DEPDC4: variants seen among roughly 807,000 people sequenced by gnomAD.
DEPDC4 encodes the protein DEP domain containing 4.
In DEPDC4, 52 loss-of-function variants were observed where a neutral mutation model predicts 52.0. The observed-to-expected ratio is 1.00, with a 90% CI of 0.80 to 1.26. DEPDC4 has a LOEUF of 1.26. Among genes scored for constraint, DEPDC4 ranks in the 50% most tolerant of loss-of-function variants. The pLI is 0.00. For synonymous variants in DEPDC4, 201 were observed against 196.8 expected (o/e 1.02, Z -0.18); for missense variants, 530 against 546.9 (o/e 0.97, Z 0.31).
intron 4 of DEPDC4, among the ~76,000 whole-genome samples, chr12:100,255,329 A>ACT (rs2096227958): frequency 3.3e-5 from 5 of 152,170 alleles, no homozygotes; most frequent in Admixed American, 3.3e-4. Context: ...GAATAAGAGA[A>ACT]ATCTGTCATG....
At chr12:100,249,605 C>G (rs754074750) in intron 7 of DEPDC4, among the ~76,000 whole-genome samples, 1 of 152,332 alleles carries the variant, frequency 6.6e-6, no homozygotes, top group Non-Finnish European at 1.5e-5. Flanking sequence ...ACTAATAATA[C>G]TGTTACAGAG....
chr12:100,275,392 T>G, the DEPDC4 span, among the ~76,000 whole-genome samples: 1 of 152,052 alleles, frequency 6.6e-6, no homozygotes, highest in African/African-American at 2.4e-5. Flanking sequence ...TTTGGAGTCT[T>G]GATATGTTAC....
At chr12:100,274,256 A>C in the DEPDC4 span, among the ~76,000 whole-genome samples, 1 of 152,218 alleles carries the variant, frequency 6.6e-6, no homozygotes, top group Non-Finnish European at 1.5e-5. Flanking sequence ...TGTATCCAAT[A>C]ATTTTGAATA....
chr12:100,233,948 T>TA (rs145522527), intron 9 of DEPDC4, among the ~76,000 whole-genome samples: 4,186 of 151,796 alleles, frequency 0.028, 184 homozygotes, highest in African/African-American at 0.093. Flanking sequence ...CCCTGTCTCT[T>TA]AAAAAAAAGC....
the DEPDC4 span, among the ~76,000 whole-genome samples, chr12:100,277,870 T>C: frequency 1.3e-5 from 2 of 152,120 alleles, no homozygotes; most frequent in Admixed American, 1.3e-4. Context: ...TATATCACTT[T>C]ATTATTTTGT....
intron 9 of DEPDC4, among the ~76,000 whole-genome samples, chr12:100,234,164 A>C (rs2096138117): frequency 6.6e-6 from 1 of 152,132 alleles, no homozygotes; most frequent in South Asian, 2.1e-4. Context: ...CCTGTCAACA[A>C]AAAAAATTGT....
In DEPDC4 at chr12:100,266,970, C is replaced by T; in HGVS notation, c.107G>A (p.Gly36Glu). 6.2e-7 allele frequency: 1 copy of T among 1,613,998 alleles called. No individual in the cohort carries two copies. The highest frequency in any genetic ancestry group is 8.5e-7 in the Non-Finnish European group (1 of 1,179,938). Residue 36 changes from glycine (G) to glutamate (E), a missense_variant, in exon 1 of 10, where the codon GGG becomes GAG. By Grantham distance (98) the Gly-to-Glu change is moderately conservative. Coordinates refer to ENST00000550587, the MANE Select transcript of DEPDC4 (RefSeq NM_001364818.2). ...QNELPGPGLN[G>E]PSSRNRRDGF... Reference sequence around the variant, plus strand: ...ATCTCTACGGTTCCTGGAACTTGGCCCGTTCAGCCCTGGGCCCGGAAGCTC... The same window carrying T: ...ATCTCTACGGTTCCTGGAACTTGGCTCGTTCAGCCCTGGGCCCGGAAGCTC...
intron 2 of DEPDC4, 114 bp from the exon 3 acceptor site, chr12:100,262,523 T>C (rs867643793): frequency 7.8e-6 from 6 of 768,258 alleles, no homozygotes; most frequent in Middle Eastern, 4.0e-4. Flanking sequence ...CCAAAAACGA[T>C]TTCAGGCAGC....
chr12:100,235,374 T>A (rs950060686), downstream of DEPDC4, among the ~76,000 whole-genome samples: 5 of 151,362 alleles, frequency 3.3e-5, no homozygotes, highest in African/African-American at 4.8e-5. Flanking sequence ...TTTTATTCTC[T>A]TTTTAAAAAT....
At chr12:100,239,401 C>G (rs895545296), downstream of DEPDC4, among the ~76,000 whole-genome samples, 1 of 150,230 alleles carries the variant, frequency 6.7e-6, no homozygotes, top group African/African-American at 2.5e-5. Context: ...TTTGAGACAG[C>G]GTTTCACTCT....
upstream of DEPDC4, among the ~76,000 whole-genome samples, chr12:100,271,855 G>C (rs767108360): frequency 1.3e-5 from 2 of 152,174 alleles, no homozygotes; most frequent in African/African-American, 4.8e-5. Flanking sequence ...CATGTTATTT[G>C]AAAATTCAGG....
intron 4 of DEPDC4, 143 bp from the exon 5 acceptor site, chr12:100,253,858 C>T: frequency 2.5e-6 from 1 of 400,686 alleles, no homozygotes; most frequent in South Asian, 2.1e-5. Context: ...AGAAGCATTT[C>T]AATACATTTT....
downstream of DEPDC4, among the ~76,000 whole-genome samples, chr12:100,236,354 A>AT (rs1341694770): frequency 2.1e-3 from 313 of 149,534 alleles, 1 homozygote; most frequent in South Asian, 4.0e-3. Flanking sequence ...GCCAACATCT[A>AT]TTTTTTTTTT....
upstream of DEPDC4, among the ~76,000 whole-genome samples, chr12:100,269,343 A>T (rs2096284634): frequency 6.6e-6 from 1 of 151,776 alleles, no homozygotes; most frequent in Non-Finnish European, 1.5e-5. Context: ...TTAGCCAATT[A>T]TGCCTATTCA....
chr12:100,273,532 C>T, the DEPDC4 span, among the ~76,000 whole-genome samples: 2 of 152,220 alleles, frequency 1.3e-5, no homozygotes, highest in East Asian at 3.9e-4. Flanking sequence ...AATATTAAAC[C>T]ACCAAATGAA....
chr12:100,278,734 A>G, the DEPDC4 span, among the ~76,000 whole-genome samples: 2 of 151,120 alleles, frequency 1.3e-5, no homozygotes, highest in Non-Finnish European at 2.9e-5. Context: ...GGTTCAAGCA[A>G]TTCTTCTGCC....
At chr12:100,251,126 T>C (rs943786230) in intron 7 of DEPDC4, among the ~76,000 whole-genome samples, 1 of 152,088 alleles carries the variant, frequency 6.6e-6, no homozygotes, top group African/African-American at 2.4e-5. Context: ...AAAAATAAAA[T>C]GGGGTCTTGC....
chr12:100,232,995 A>T (rs1435397623), intron 9 of DEPDC4, among the ~76,000 whole-genome samples: 3 of 152,198 alleles, frequency 2.0e-5, no homozygotes. Flanking sequence ...ATGTATGTAC[A>T]TATCATTTAA....
At position 100,262,305 on chromosome 12, in the gene DEPDC4, T is replaced by G. The variant is rs975811155; in HGVS notation, c.659A>C (p.Asn220Thr). The G allele has an allele frequency of 1.2e-6, 2 of 1,612,566 alleles. No homozygotes were observed. The highest frequency in any genetic ancestry group is 2.7e-5 in the African/African-American group (2 of 74,866). The change falls in exon 3 of 10, where the codon AAT (asparagine) becomes ACT (threonine). Residue 220 changes from asparagine to threonine, a missense_variant. Coordinates refer to ENST00000550587, the MANE Select transcript of DEPDC4 (RefSeq NM_001364818.2). ...TINGNPALCPNITVQKPFLRL... is the reference protein window; with the variant it reads ...TINGNPALCPTITVQKPFLRL... ...GAGAAAAGGTTTCTGAACTGTGATA[T>G]TTGGACATAAAGCTGGATTCCCATT...
Sources: allele counts gnomAD v4.1 joint callset (sites outside exome capture counted in the v4.1 genomes callset), GRCh38; gene constraint gnomAD v4.1.1; transcripts MANE v1.5; gene names NCBI Gene and HGNC (gene_info 2026-07-23, HGNC 2026-07-21).